The following FYTTD1 variants were observed in gnomAD, a reference collection of about 807,000 sequenced individuals.
FYTTD1 encodes the protein UAP56-interacting factor.
Under a neutral mutation model 40.9 loss-of-function variants are expected in FYTTD1, and 22 were observed. The observed-to-expected ratio is 0.54, with a 90% CI of 0.38 to 0.77. The LOEUF (loss-of-function observed/expected upper bound fraction) is 0.77, where lower values mean the gene tolerates loss of function less well. FYTTD1 is among the 30% of genes least tolerant of loss of function. The probability of loss-of-function intolerance (pLI) is 0.00; values close to 1 mark genes in which losing one functional copy is unlikely to be tolerated. For missense variants in FYTTD1, 351 were observed against 392.2 expected (o/e 0.90, Z 0.89); for synonymous variants, 140 against 137.9 (o/e 1.01, Z -0.10).
rs1730109984 is a variant in FYTTD1 at position 197,784,485 on chromosome 3, C to T, written c.*2576C>T. On this transcript the variant is annotated 3_prime_UTR_variant, in exon 9 of 9. Transcript: ENST00000241502. ...CTTTTGATGATTTCATTTGTAGCTC[C>T]AACAAATGAATCTAAAAAGAAGAAT... The T allele has an allele frequency of 6.6e-6, 1 of 152,082 alleles. No homozygotes were observed. The highest frequency in any genetic ancestry group is 1.5e-5 in the Non-Finnish European group (1 of 68,008). 9.4% of individuals were successfully genotyped at this position (152,082 alleles called of 1,614,324 possible).
intron 2 of FYTTD1, among the ~76,000 whole-genome samples, chr3:197,766,430 G>GGTGTGTGTGTGTGGGTGTGTGT (rs1553909115): frequency 1.5e-5 from 2 of 134,996 alleles, no homozygotes; most frequent in African/African-American, 5.4e-5. Flanking sequence ...GTTTGAGACT[G>GGTGTGTGTGTGTGGGTGTGTGT]GTGTGTGTGT....
At chr3:197,776,020 G>A (rs1422893608) in intron 6 of FYTTD1, among the ~76,000 whole-genome samples, 1 of 152,094 alleles carries the variant, frequency 6.6e-6, no homozygotes, top group Non-Finnish European at 1.5e-5. Flanking sequence ...GGAAGGAATA[G>A]AGGCACTATT....
Position 197,787,184 on chromosome 3 carries a change from C to G in FYTTD1, c.*5275C>G, listed in dbSNP as rs936920745. On this transcript the variant is annotated 3_prime_UTR_variant, in exon 9 of 9. Coordinates refer to ENST00000241502, the MANE Select transcript of FYTTD1 (RefSeq NM_032288.7). ...CTGGAGTGCAGTAGTGATCTTGGCT[C>G]ACTGCAGCCTCTGCCTCCCGGGTTC... 1.4e-5 allele frequency: 2 copies of G among 145,286 alleles called. No homozygotes were observed. Among genetic ancestry groups the G allele is most frequent in the Non-Finnish European group, 3.0e-5 (2 of 67,214 alleles). The allele number at this position is 145,286 out of a possible 1,614,324, so 9.0% of individuals were successfully genotyped here. A position where few individuals can be genotyped will look rare whatever the true frequency, so the allele number is the denominator to read the frequency against.
chr3:197,778,936 G>A (rs1179890171), intron 8 of FYTTD1, among the ~76,000 whole-genome samples: 3 of 152,164 alleles, frequency 2.0e-5, no homozygotes, highest in African/African-American at 7.2e-5. Flanking sequence ...TAGTAACTCT[G>A]TATCTAACCT....
intron 2 of FYTTD1, among the ~76,000 whole-genome samples, chr3:197,763,027 T>C (rs964240331): frequency 2.0e-5 from 3 of 152,238 alleles, no homozygotes; most frequent in African/African-American, 7.2e-5. Flanking sequence ...AGTTAAAATT[T>C]GTTCTTTTTC....
intron 4 of FYTTD1, among the ~76,000 whole-genome samples, chr3:197,772,137 C>T (rs1267647946): frequency 6.6e-6 from 1 of 152,082 alleles, no homozygotes; most frequent in East Asian, 1.9e-4. Flanking sequence ...GCTGGAATTG[C>T]AGTTTTAACC....
chr3:197,755,753 G>T, intron 1 of FYTTD1: 1 of 1,529,690 alleles, frequency 6.5e-7, no homozygotes. Context: ...CTCCCAAAGT[G>T]CTGGGATTAT....
chr3:197,752,737 A>G (rs1033714792), intron 1 of FYTTD1, among the ~76,000 whole-genome samples: 2 of 151,214 alleles, frequency 1.3e-5, no homozygotes, highest in African/African-American at 4.9e-5. Flanking sequence ...GGTTGTTTTT[A>G]TACATACACT....
intron 8 of FYTTD1, 64 bp from the exon 9 acceptor site, chr3:197,781,747 A>G: frequency 9.0e-7 from 1 of 1,115,014 alleles, no homozygotes; most frequent in Non-Finnish European, 1.3e-6. Flanking sequence ...CAAAGCAAAT[A>G]TGGCCTTCAG....
At chr3:197,757,807 T>C (rs935854901) in intron 2 of FYTTD1, among the ~76,000 whole-genome samples, 2 of 152,224 alleles carry the variant, frequency 1.3e-5, no homozygotes, top group African/African-American at 4.8e-5. Context: ...AAAAAAATTA[T>C]TCATCTCTAA....
At chr3:197,753,825 G>A (rs886590723) in intron 1 of FYTTD1, among the ~76,000 whole-genome samples, 6 of 151,230 alleles carry the variant, frequency 4.0e-5, no homozygotes, top group Non-Finnish European at 5.9e-5. Context: ...GCACGATCTC[G>A]GCTTCCCAGG....
At position 197,785,418 on chromosome 3, in the gene FYTTD1, G is replaced by A. The variant is rs1730132735; in HGVS notation, c.*3509G>A. ...GTAGACCCAGGTAATTCAAAGCCATGTTGTTGAAGGGCCAACTGTTTAAGC... is the reference window on the plus strand; with the variant it reads ...GTAGACCCAGGTAATTCAAAGCCATATTGTTGAAGGGCCAACTGTTTAAGC... On this transcript the variant is annotated 3_prime_UTR_variant, in exon 9 of 9. Coordinates refer to ENST00000241502, the MANE Select transcript of FYTTD1 (RefSeq NM_032288.7). 1 of 152,220 alleles carries A rather than the reference G, an allele frequency of 6.6e-6. No individual in the cohort carries two copies. The highest frequency in any genetic ancestry group is 1.5e-5 in the Non-Finnish European group (1 of 68,042). 9.4% of individuals were successfully genotyped at this position (152,220 alleles called of 1,614,324 possible).
At chr3:197,773,538 T>G (rs759119736) in intron 5 of FYTTD1, 39 bp downstream of exon 5, 83 of 1,283,136 alleles carry the variant, frequency 6.5e-5, no homozygotes, top group Middle Eastern at 1.8e-4. Flanking sequence ...TTTGTTTGTT[T>G]GTTTTTTCCC....
intron 5 of FYTTD1, 94 bp from the exon 6 acceptor site, chr3:197,774,055 G>A (rs1371854761): frequency 3.0e-6 from 3 of 1,011,910 alleles, no homozygotes; most frequent in Admixed American, 1.8e-5. Context: ...TCATGTACAC[G>A]CACCACTGGG....
intron 4 of FYTTD1, among the ~76,000 whole-genome samples, chr3:197,771,417 G>C (rs374897696): frequency 4.4e-4 from 67 of 152,238 alleles, no homozygotes; most frequent in African/African-American, 1.5e-3. Context: ...CAGCACTTTG[G>C]GGGGCTAAAG....
intron 2 of FYTTD1, among the ~76,000 whole-genome samples, chr3:197,767,999 C>T (rs1308945474): frequency 6.6e-6 from 1 of 152,180 alleles, no homozygotes; most frequent in Non-Finnish European, 1.5e-5. Flanking sequence ...ATATATTTTA[C>T]TTAGCCCAAT....
intron 1 of FYTTD1, among the ~76,000 whole-genome samples, chr3:197,752,576 G>T (rs1199006293): frequency 6.6e-6 from 1 of 151,170 alleles, no homozygotes; most frequent in Non-Finnish European, 1.5e-5. Context: ...TGTATATATG[G>T]CTTTATTTTT....
upstream of FYTTD1, chr3:197,749,548 G>A (rs915643349): frequency 2.8e-5 from 36 of 1,291,356 alleles, no homozygotes; most frequent in Non-Finnish European, 3.4e-5. Flanking sequence ...CGTTGCGGTG[G>A]GCGCGAAAGG....
At chr3:197,754,797 T>C (rs1729164668) in intron 1 of FYTTD1, among the ~76,000 whole-genome samples, 1 of 151,996 alleles carries the variant, frequency 6.6e-6, no homozygotes, top group Non-Finnish European at 1.5e-5. Context: ...CCTGGGTAGC[T>C]GGGACCACGG....
Sources: gnomAD v4.1 joint callset for allele counts (sites outside exome capture counted in the v4.1 genomes callset) on GRCh38, gnomAD v4.1.1 for gene constraint, MANE v1.5 for transcripts, NCBI Gene and HGNC (gene_info 2026-07-23, HGNC 2026-07-21) for gene names.